Variants in AKAP12 observed in about 807,000 individuals in gnomAD.
The protein encoded by AKAP12 is A-kinase anchor protein 12.
Under a neutral mutation model 79.9 loss-of-function variants are expected in AKAP12, and 32 were observed. The observed-to-expected ratio is 0.40, with a 90% CI of 0.30 to 0.54. AKAP12 has a LOEUF of 0.54. Among genes scored for constraint, AKAP12 ranks in the 20% least tolerant of loss-of-function variants. The pLI, the probability that AKAP12 is intolerant of heterozygous loss-of-function variation, is 0.48. For synonymous variants in AKAP12, 808 were observed against 857.0 expected (o/e 0.94, Z 1.00); for missense variants, 2,074 against 2,177.0 (o/e 0.95, Z 0.94).
At chr6:151,285,690 G>A (rs1034044402) in intron 2 of AKAP12, among the ~76,000 whole-genome samples, 2 of 152,066 alleles carry the variant, frequency 1.3e-5, no homozygotes, top group Admixed American at 1.3e-4. Flanking sequence ...GGTGAGTTGT[G>A]GAGGGGAAAA....
rs560555686 is a variant in AKAP12, at chr6:151,341,748, G to GAGGGCCACCAACTGTCCCTT, written c.320-6959_320-6940dup. 1,299 of 1,282,512 alleles carry GAGGGCCACCAACTGTCCCTT rather than the reference G, an allele frequency of 1.0e-3. 6 individuals are homozygous for GAGGGCCACCAACTGTCCCTT. In the African/African-American group the frequency reaches 0.017, roughly 17 times the overall value. 79.4% of individuals were successfully genotyped at this position (1,282,512 alleles called of 1,614,324 possible). A position where few individuals can be genotyped will look rare whatever the true frequency, so the allele number is the denominator to read the frequency against. The stretch of plus-strand genomic sequence containing the variant: ...GCAGCGATGGCGGACACGGAATCCC[G>GAGGGCCACCAACTGTCCCTT]AGGGCCACCAACTGTCCCTTAGGAC... On this transcript the variant is annotated intron_variant, in intron 3 of 4. Transcript: ENST00000402676.
At chr6:151,341,238 G>T (rs1478265980) in intron 3 of AKAP12, among the ~76,000 whole-genome samples, 1 of 152,014 alleles carries the variant, frequency 6.6e-6, no homozygotes, top group East Asian at 1.9e-4. Flanking sequence ...ATTTTTAGTA[G>T]AGATGAGGTT....
intron 2 of AKAP12, among the ~76,000 whole-genome samples, chr6:151,300,800 GAT>G (rs1457983525): frequency 1.3e-5 from 2 of 152,022 alleles, no homozygotes; most frequent in African/African-American, 4.8e-5. Flanking sequence ...CCACTCAAAG[GAT>G]ATAAGCTTGA....
At chr6:151,285,879 AT>A (rs11427563) in intron 2 of AKAP12, among the ~76,000 whole-genome samples, 15,143 of 144,826 alleles carry the variant, frequency 0.1, 863 homozygotes, top group East Asian at 0.19. Context: ...GGAGGTGATA[AT>A]TTTTTTTTTT....
chr6:151,269,623 A>G (rs1330386641), intron 2 of AKAP12, among the ~76,000 whole-genome samples: 3 of 152,216 alleles, frequency 2.0e-5, no homozygotes, highest in African/African-American at 7.2e-5. Flanking sequence ...CCAGGAAGAT[A>G]TCTCTGGATC....
At chr6:151,284,329 T>C (rs1776460289) in intron 2 of AKAP12, among the ~76,000 whole-genome samples, 1 of 152,130 alleles carries the variant, frequency 6.6e-6, no homozygotes, top group African/African-American at 2.4e-5. Flanking sequence ...TGACATGAGA[T>C]AAATAAGAAT....
At chr6:151,333,521 T>C (rs563860326) in intron 3 of AKAP12, among the ~76,000 whole-genome samples, 19 of 152,008 alleles carry the variant, frequency 1.2e-4, no homozygotes, top group Non-Finnish European at 2.1e-4. Flanking sequence ...GAGGCCGACA[T>C]GAGCGGATCA....
chr6:151,338,093 A>C (rs761142499), intron 3 of AKAP12, among the ~76,000 whole-genome samples: 5 of 152,220 alleles, frequency 3.3e-5, no homozygotes, highest in Non-Finnish European at 7.3e-5. Context: ...CTTTACTCCT[A>C]AATATTTCAG....
chr6:151,264,749 CTG>C (rs1797515678), intron 2 of AKAP12, among the ~76,000 whole-genome samples: 1 of 151,704 alleles, frequency 6.6e-6, no homozygotes, highest in Non-Finnish European at 1.5e-5. Flanking sequence ...GGTAATATAT[CTG>C]TAATGTTTTT....
At chr6:151,296,675 G>A (rs928041438) in intron 2 of AKAP12, among the ~76,000 whole-genome samples, 1 of 152,166 alleles carries the variant, frequency 6.6e-6, no homozygotes, top group Non-Finnish European at 1.5e-5. Flanking sequence ...TACTCAGGAG[G>A]CTGAAACGGG....
rs762924375 is a variant in AKAP12 at position 151,351,217 on chromosome 6, T to G, written c.2826T>G (p.Ile942Met). Residue 942 changes from isoleucine (I) to methionine (M), a missense_variant, in exon 4 of 5, where the codon ATT (isoleucine) becomes ATG (methionine). Coordinates refer to ENST00000402676, the MANE Select transcript of AKAP12 (RefSeq NM_005100.4). The surrounding 1 kb of genome is among the most constrained non-coding windows in gnomAD (Gnocchi z 4.4). ...AGGAGGTATTGGAAAGAGAAGTAATTGCAGAAGAAGAACCCCCCACGGTTA... is the reference window on the plus strand; with the variant it reads ...AGGAGGTATTGGAAAGAGAAGTAATGGCAGAAGAAGAACCCCCCACGGTTA... ...LTEEVLEREV[I>M]AEEEPPTVTE... 3.7e-6 allele frequency: 6 copies of G among 1,614,054 alleles called. No homozygotes were observed. Among genetic ancestry groups the G allele is most frequent in the Non-Finnish European group, 5.1e-6 (6 of 1,180,046 alleles).
intron 2 of AKAP12, among the ~76,000 whole-genome samples, chr6:151,250,327 G>A (rs535472763): frequency 2.0e-5 from 3 of 149,518 alleles, no homozygotes; most frequent in East Asian, 2.0e-4. Context: ...GTGAAACTCC[G>A]CTTTACTAAA....
intron 3 of AKAP12, among the ~76,000 whole-genome samples, chr6:151,311,765 G>A (rs1437167165): frequency 7.2e-5 from 11 of 152,138 alleles, no homozygotes; most frequent in Admixed American, 7.2e-4. Context: ...CAGTTCCTCT[G>A]GGAAACAGAA....
chr6:151,334,826 T>C (rs924248941), intron 3 of AKAP12, among the ~76,000 whole-genome samples: 2 of 151,972 alleles, frequency 1.3e-5, no homozygotes, highest in African/African-American at 4.8e-5. Context: ...GGTTTCTCCG[T>C]GGTAGCCAGG....
intron 2 of AKAP12, among the ~76,000 whole-genome samples, chr6:151,297,111 GAAAT>G (rs1201472882): frequency 1.4e-5 from 2 of 145,722 alleles, no homozygotes; most frequent in Non-Finnish European, 3.0e-5. Context: ...TGACTTGTAT[GAAAT>G]AAATCATCAG....
chr6:151,325,553 T>A, intron 3 of AKAP12: 1 of 1,259,832 alleles, frequency 7.9e-7, no homozygotes, highest in Non-Finnish European at 1.0e-6. Flanking sequence ...CGGGGAAGTT[T>A]GCGCTCCCGA....
At chr6:151,241,805 G>A (rs939507264) in intron 2 of AKAP12, among the ~76,000 whole-genome samples, 1 of 146,326 alleles carries the variant, frequency 6.8e-6, no homozygotes, top group African/African-American at 2.5e-5. Flanking sequence ...TATCGCAGGA[G>A]GTGTAGATGT....
At chr6:151,279,149 A>AG (rs1776349035) in intron 2 of AKAP12, among the ~76,000 whole-genome samples, 1 of 152,130 alleles carries the variant, frequency 6.6e-6, no homozygotes, top group African/African-American at 2.4e-5. Context: ...AGTGGCCTGG[A>AG]GGGCTCACAC....
At chr6:151,310,541 A>G (rs528972984) in intron 3 of AKAP12, among the ~76,000 whole-genome samples, 16 of 152,300 alleles carry the variant, frequency 1.1e-4, no homozygotes, top group African/African-American at 3.6e-4. Flanking sequence ...GAGATCAGCC[A>G]ACGTGGCGAA....
Sources: allele counts gnomAD v4.1 joint callset (sites outside exome capture counted in the v4.1 genomes callset), GRCh38; gene constraint gnomAD v4.1.1; non-coding constraint Gnocchi (gnomAD v3.1); transcripts MANE v1.5; gene names NCBI Gene and HGNC (gene_info 2026-07-23, HGNC 2026-07-21).